CEP63: variants seen among roughly 807,000 people sequenced by gnomAD.
CEP63 encodes centrosomal protein of 63 kDa.
In CEP63, 84 loss-of-function variants were observed where a neutral mutation model predicts 89.1. That is an observed-to-expected ratio of 0.94 (90% CI 0.79 to 1.13). The LOEUF is 1.13. Among genes scored for constraint, CEP63 ranks in the 50% most tolerant of loss-of-function variants. The pLI is 0.00. For missense variants in CEP63, 838 were observed against 813.3 expected, an observed-to-expected ratio of 1.03 and a Z score of -0.37; for synonymous variants, 267 against 272.5, an observed-to-expected ratio of 0.98 and a Z score of 0.20.
chr3:134,562,028 G>A lies in CEP63; in HGVS notation c.*493G>A, dbSNP rs1238412883. On this transcript the variant is annotated 3_prime_UTR_variant, in exon 15 of 15. Coordinates refer to ENST00000675561, the MANE Select transcript of CEP63 (RefSeq NM_001353108.3). ...GCTGGTAGCCCCTCCTAGCCAAGGG[G>A]CTGGTAGTGTGTAAAGTCAGGCTGG... is the stretch of plus-strand genomic sequence containing the variant. 1 of 1,010,616 alleles carries A rather than the reference G, an allele frequency of 9.9e-7. No homozygotes were observed. The highest frequency in any genetic ancestry group is 5.3e-5 in the Admixed American group (1 of 18,754). 62.6% of individuals were successfully genotyped at this position (1,010,616 alleles called of 1,614,324 possible). A position where few individuals can be genotyped will look rare whatever the true frequency, so the allele number is the denominator to read the frequency against.
downstream of CEP63, among the ~76,000 whole-genome samples, chr3:134,565,397 T>C (rs1435878992): frequency 6.6e-6 from 1 of 152,182 alleles, no homozygotes; most frequent in Non-Finnish European, 1.5e-5. Context: ...CCTGGTAAAC[T>C]GTGGGTGATG....
chr3:134,488,708 G>A (rs534499176), intron 1 of CEP63, among the ~76,000 whole-genome samples: 1 of 152,138 alleles, frequency 6.6e-6, no homozygotes, highest in African/African-American at 2.4e-5. Context: ...CCGCCCTGTC[G>A]GTGTTGAGAA....
rs1221990855 is a variant in CEP63, at chr3:134,486,088, AGAAGG to A, written c.-139_-135del. 5 of 984,440 alleles carry A rather than the reference AGAAGG, an allele frequency of 5.1e-6. No homozygotes were observed. The East Asian group carries it at 5.7e-4, about 112-fold the overall frequency. 61.0% of individuals were successfully genotyped at this position (984,440 alleles called of 1,614,324 possible). On this transcript the variant is annotated 5_prime_UTR_variant, in exon 1 of 15. Coordinates refer to ENST00000675561, the MANE Select transcript of CEP63 (RefSeq NM_001353108.3). ...TTGCTCGCGTGCAGGGGAAGTCTGG[AGAAGG>A]CATTGTTTCAATTATTAAAAGTGTG...
chr3:134,507,398 G>T, intron 3 of CEP63, 112 bp downstream of exon 3: 1 of 761,888 alleles, frequency 1.3e-6, no homozygotes, highest in Admixed American at 2.8e-5. Context: ...TTAGTTTATT[G>T]TTTTTTATTA....
In CEP63 at chr3:134,554,935, GT is replaced by G. The variant is rs371532285; in HGVS notation, c.1467+2930del. Among the ~76,000 whole-genome samples the G allele has an allele frequency of 2.6e-5, 4 of 151,870 alleles. No homozygotes were observed. The South Asian group carries it at 6.3e-4, about 24-fold the overall frequency. On this transcript the variant is annotated intron_variant, in intron 12 of 14. Transcript: ENST00000675561. Reference sequence around the variant, plus strand: ...TGCCCACTTTTTGATGGGGTTGTTTGTTTTTTTCTTGTAAATTTGTTTGAGT... The same window carrying G: ...TGCCCACTTTTTGATGGGGTTGTTTGTTTTTTCTTGTAAATTTGTTTGAGT...
At chr3:134,745,174 A>G in the CEP63 span, among the ~76,000 whole-genome samples, 5 of 152,302 alleles carry the variant, frequency 3.3e-5, no homozygotes, top group African/African-American at 1.2e-4. Flanking sequence ...TTGGATGATC[A>G]TAGGGCTGGC....
In CEP63 at chr3:134,537,172, G is replaced by A. The variant is rs748916221; in HGVS notation, c.459G>A (p.Ser153=). The A allele has an allele frequency of 2.5e-6, 4 of 1,612,874 alleles. No individual in the cohort carries two copies. The highest frequency in any genetic ancestry group is 1.1e-5 in the South Asian group (1 of 91,070). The change falls in exon 6 of 15, where the codon TCG becomes TCA. Residue 153 remains serine, a synonymous_variant. Coordinates refer to ENST00000675561, the MANE Select transcript of CEP63 (RefSeq NM_001353108.3). ...CTCCTCAGGAATTCCGTCAGAAATCGCTGGACTGGGAGAAGCAACGCTTGA... is the reference window on the plus strand; with the variant it reads ...CTCCTCAGGAATTCCGTCAGAAATCACTGGACTGGGAGAAGCAACGCTTGA... ...TAKIEEFRQK[S]LDWEKQRLIY... is the part of the protein sequence containing the mutation.
chr3:134,745,577 G>T, the CEP63 span, among the ~76,000 whole-genome samples: 3 of 151,492 alleles, frequency 2.0e-5, no homozygotes, highest in Admixed American at 6.6e-5. Flanking sequence ...GTACATGTGC[G>T]CAACGTGCAG....
chr3:134,626,046 C>T, the CEP63 span, among the ~76,000 whole-genome samples: 1 of 152,360 alleles, frequency 6.6e-6, no homozygotes, highest in Admixed American at 6.5e-5. Flanking sequence ...GACCCCTGTC[C>T]CGGCCCAGAA....
chr3:134,669,345 G>A, the CEP63 span, among the ~76,000 whole-genome samples: 1 of 152,124 alleles, frequency 6.6e-6, no homozygotes, highest in African/African-American at 2.4e-5. Flanking sequence ...TTGTGAGCCT[G>A]TTCTTGGGGT....
At chr3:134,659,945 G>A in the CEP63 span, among the ~76,000 whole-genome samples, 1 of 152,228 alleles carries the variant, frequency 6.6e-6, no homozygotes, top group Non-Finnish European at 1.5e-5. Context: ...TCTAATAGGA[G>A]CCACGGGTAT....
At chr3:134,585,064 T>C (rs1958455178) in intron 10 of CEP63, among the ~76,000 whole-genome samples, 1 of 151,712 alleles carries the variant, frequency 6.6e-6, no homozygotes, top group Admixed American at 6.6e-5. Context: ...TAATTGCGTC[T>C]ATTTGATTCC....
chr3:134,485,895 C>T, upstream of CEP63: 2 of 724,218 alleles, frequency 2.8e-6, no homozygotes, highest in Non-Finnish European at 3.4e-6. Context: ...CGACACTGAG[C>T]AACGAACGCA....
the CEP63 span, among the ~76,000 whole-genome samples, chr3:134,755,218 AGAGCCCTGAACCCTGAGCCCT>A: frequency 2.0e-5 from 2 of 99,356 alleles, no homozygotes; most frequent in Non-Finnish European, 4.3e-5. Flanking sequence ...TCCAGAGGCC[AGAGCCCTGAACCCTGAGCCCT>A]GAGCCCTGAG....
downstream of CEP63, among the ~76,000 whole-genome samples, chr3:134,565,321 CTG>C (rs1957707344): frequency 6.6e-6 from 1 of 152,088 alleles, no homozygotes; most frequent in African/African-American, 2.4e-5. Context: ...CTACAACACT[CTG>C]TTTCTGTGAC....
At chr3:134,767,782 G>A in the CEP63 span, among the ~76,000 whole-genome samples, 1 of 152,306 alleles carries the variant, frequency 6.6e-6, no homozygotes, top group East Asian at 1.9e-4. Context: ...TATCTGTGCT[G>A]TGCCAGGTGC....
chr3:134,684,350 T>C, the CEP63 span, among the ~76,000 whole-genome samples: 1 of 152,206 alleles, frequency 6.6e-6, no homozygotes, highest in Non-Finnish European at 1.5e-5. Flanking sequence ...ATCTTTTCTA[T>C]GGTTCTCTGG....
At chr3:134,525,411 T>C (rs1281203008) in intron 3 of CEP63, among the ~76,000 whole-genome samples, 1 of 152,186 alleles carries the variant, frequency 6.6e-6, no homozygotes, top group Non-Finnish European at 1.5e-5. Context: ...TCTTCTGCTA[T>C]GTATGTCACT....
chr3:134,740,173 C>A, the CEP63 span, among the ~76,000 whole-genome samples: 1 of 152,076 alleles, frequency 6.6e-6, no homozygotes, highest in African/African-American at 2.4e-5. Context: ...GTCCAGTGAC[C>A]CCTTGCAGGG....
Sources: gnomAD v4.1 joint callset for allele counts (sites outside exome capture counted in the v4.1 genomes callset) on GRCh38, gnomAD v4.1.1 for gene constraint, MANE v1.5 for transcripts, NCBI Gene and HGNC (gene_info 2026-07-23, HGNC 2026-07-21) for gene names.